Variants in NTM observed in about 807,000 individuals in gnomAD.
NTM encodes IgLON family member 2.
Under a neutral mutation model 42.1 loss-of-function variants are expected in NTM, and 13 were observed. The ratio of observed to expected loss-of-function variants is 0.31; its 90% CI spans 0.20 to 0.49. NTM has a LOEUF of 0.49. Among genes scored for constraint, NTM ranks in the 20% least tolerant of loss-of-function variants. NTM has a pLI of 0.99. For missense variants in NTM, 373 were observed against 452.8 expected, an observed-to-expected ratio of 0.82 and a Z score of 1.60; for synonymous variants, 187 against 179.2, an observed-to-expected ratio of 1.04 and a Z score of -0.35.
intron 1 of NTM, among the ~76,000 whole-genome samples, chr11:131,799,400 G>A (rs991051549): frequency 9.9e-5 from 15 of 152,250 alleles, no homozygotes; most frequent in African/African-American, 2.6e-4. Flanking sequence ...GAATCAAGAA[G>A]GCATATTGCA....
At chr11:131,467,102 T>C (rs1015646790) in intron 1 of NTM, among the ~76,000 whole-genome samples, 1 of 152,222 alleles carries the variant, frequency 6.6e-6, no homozygotes, top group Non-Finnish European at 1.5e-5. Context: ...ATGACAATGT[T>C]TTTAAAATAT....
At chr11:131,483,583 C>G (rs534420029) in intron 1 of NTM, among the ~76,000 whole-genome samples, 11 of 152,220 alleles carry the variant, frequency 7.2e-5, no homozygotes, top group Non-Finnish European at 1.5e-4. Context: ...TCAATGAAAG[C>G]TACAGGGCTC....
chr11:131,391,639 T>G (rs1300229694), intron 1 of NTM, among the ~76,000 whole-genome samples: 1 of 103,316 alleles, frequency 9.7e-6, no homozygotes, highest in Non-Finnish European at 2.0e-5. Flanking sequence ...ATGACTTTTA[T>G]CTGGGAAAAA....
chr11:131,420,629 G>A (rs1165319354), intron 1 of NTM, among the ~76,000 whole-genome samples: 1 of 152,080 alleles, frequency 6.6e-6, no homozygotes, highest in East Asian at 1.9e-4. Context: ...TAGACCCACT[G>A]GGAGCTAGAG....
chr11:131,641,193 A>C (rs139377024), intron 1 of NTM, among the ~76,000 whole-genome samples: 65 of 152,310 alleles, frequency 4.3e-4, no homozygotes, highest in African/African-American at 1.5e-3. Flanking sequence ...TTCCTTGTTC[A>C]CTACACTGAG....
intron 1 of NTM, among the ~76,000 whole-genome samples, chr11:131,458,949 C>A (rs1470305999): frequency 2.0e-5 from 3 of 152,362 alleles, no homozygotes; most frequent in South Asian, 2.1e-4. Flanking sequence ...CACTTGGATA[C>A]CCACTGCCCT....
At chr11:131,690,238 A>G (rs896654601) in intron 1 of NTM, among the ~76,000 whole-genome samples, 1 of 152,234 alleles carries the variant, frequency 6.6e-6, no homozygotes, top group Non-Finnish European at 1.5e-5. Context: ...TGCAACTCAC[A>G]CATTCACAGA....
At chr11:131,674,233 A>G (rs1414335477) in intron 1 of NTM, among the ~76,000 whole-genome samples, 1 of 152,264 alleles carries the variant, frequency 6.6e-6, no homozygotes, top group Non-Finnish European at 1.5e-5. Flanking sequence ...CACCGCCTAC[A>G]CTGAAACTGG....
chr11:131,743,474 C>T (rs997253255), intron 1 of NTM, among the ~76,000 whole-genome samples: 5 of 152,020 alleles, frequency 3.3e-5, no homozygotes, highest in African/African-American at 1.2e-4. Flanking sequence ...TAAATTATAC[C>T]ACTAGAACCT....
intron 2 of NTM, among the ~76,000 whole-genome samples, chr11:131,989,509 T>A (rs2066641657): frequency 6.6e-6 from 1 of 152,174 alleles, no homozygotes; most frequent in Non-Finnish European, 1.5e-5. Context: ...ATGTACTAAA[T>A]GTTAGCCTAA....
At chr11:131,518,234 G>T (rs929708862) in intron 1 of NTM, among the ~76,000 whole-genome samples, 1 of 152,074 alleles carries the variant, frequency 6.6e-6, no homozygotes, top group Non-Finnish European at 1.5e-5. Context: ...CGAAACGGAG[G>T]CTCAGGGAAG....
intron 1 of NTM, among the ~76,000 whole-genome samples, chr11:131,833,580 G>A (rs769740661): frequency 7.9e-5 from 12 of 152,176 alleles, no homozygotes; most frequent in East Asian, 1.9e-4. Context: ...GAGTCAGGAC[G>A]TGACTGTCAA....
chr11:131,507,442 C>G (rs1366014585), intron 1 of NTM, among the ~76,000 whole-genome samples: 1 of 151,840 alleles, frequency 6.6e-6, no homozygotes, highest in Non-Finnish European at 1.5e-5. Flanking sequence ...CAGTACCATG[C>G]TGTTTTGGTT....
intron 2 of NTM, among the ~76,000 whole-genome samples, chr11:131,963,994 T>A (rs1376430565): frequency 6.6e-6 from 1 of 152,222 alleles, no homozygotes; most frequent in African/African-American, 2.4e-5. Flanking sequence ...TTAGTATAAG[T>A]CTGTCTTACA....
At chr11:131,727,383 C>T (rs1206932442) in intron 1 of NTM, among the ~76,000 whole-genome samples, 1 of 152,168 alleles carries the variant, frequency 6.6e-6, no homozygotes, top group African/African-American at 2.4e-5. Context: ...AAAGCAAATA[C>T]CTTTTCATCC....
chr11:131,486,912 A>G (rs1173604894), intron 1 of NTM, among the ~76,000 whole-genome samples: 3 of 152,194 alleles, frequency 2.0e-5, no homozygotes, highest in African/African-American at 7.2e-5. Context: ...ATAATGCATA[A>G]TGCCCAGAAA....
In NTM at chr11:131,554,027, G is replaced by A. The variant is rs546758749; in HGVS notation, c.82+183139G>A. On this transcript the variant is annotated intron_variant, in intron 1 of 8. Coordinates refer to ENST00000683400, the MANE Select transcript of NTM (RefSeq NM_001352005.2). ...TCCCACTCATTTATCAACTGTTCAA[G>A]GACCAGATCAAATGAATCTTCCTCT... is the stretch of plus-strand genomic sequence containing the variant. 1.5e-3 allele frequency among the ~76,000 whole-genome samples: 222 copies of A among 152,264 alleles called. 1 individual carries two copies. Among genetic ancestry groups the A allele is most frequent in the South Asian group, 3.3e-3 (16 of 4,820 alleles).
intron 1 of NTM, among the ~76,000 whole-genome samples, chr11:131,894,610 G>A (rs984878726): frequency 1.3e-5 from 2 of 152,012 alleles, no homozygotes; most frequent in Non-Finnish European, 2.9e-5. Context: ...TGCACCCTTC[G>A]CTTCCAAACA....
At chr11:131,579,898 C>G (rs555730374) in intron 1 of NTM, among the ~76,000 whole-genome samples, 1 of 152,132 alleles carries the variant, frequency 6.6e-6, no homozygotes, top group African/African-American at 2.4e-5. Context: ...TTGAGTGAGC[C>G]CCATGATTTT....
Sources: gnomAD v4.1 joint callset for allele counts (sites outside exome capture counted in the v4.1 genomes callset) on GRCh38, gnomAD v4.1.1 for gene constraint, MANE v1.5 for transcripts, NCBI Gene and HGNC (gene_info 2026-07-23, HGNC 2026-07-21) for gene names.